The following ALK variants were observed in gnomAD, a reference collection of about 807,000 sequenced individuals.
ALK encodes the protein ALK tyrosine kinase receptor.
In ALK, 74 loss-of-function variants were observed where a neutral mutation model predicts 163.1. The ratio of observed to expected loss-of-function variants is 0.45; its 90% CI spans 0.38 to 0.55. The LOEUF is 0.55. ALK is among the 20% of genes least tolerant of loss of function. The pLI is 0.00. For synonymous variants in ALK, 960 were observed against 843.2 expected (o/e 1.14, Z -2.40); for missense variants, 2,063 against 2,105.3 (o/e 0.98, Z 0.39).
chr2:29,240,377 G>T (rs1313408399), intron 12 of ALK, among the ~76,000 whole-genome samples: 1 of 152,144 alleles, frequency 6.6e-6, no homozygotes, highest in Non-Finnish European at 1.5e-5. Context: ...GAGGATTAAA[G>T]AAATTAAGAC....
At chr2:29,436,563 T>C (rs1353696175) in intron 4 of ALK, among the ~76,000 whole-genome samples, 1 of 152,144 alleles carries the variant, frequency 6.6e-6, no homozygotes, top group African/African-American at 2.4e-5. Flanking sequence ...GTATCAAGAG[T>C]TCATCTTCTA....
intron 3 of ALK, among the ~76,000 whole-genome samples, chr2:29,543,561 C>A (rs768275734): frequency 5.3e-5 from 8 of 152,224 alleles, no homozygotes; most frequent in Non-Finnish European, 1.2e-4. Context: ...GTTAAGCATC[C>A]TGCTACCCTC....
At chr2:29,387,799 T>G (rs1017027184) in intron 4 of ALK, among the ~76,000 whole-genome samples, 3 of 152,126 alleles carry the variant, frequency 2.0e-5, no homozygotes, top group Admixed American at 1.3e-4. Context: ...TTCACCCTCC[T>G]TGGAGAAGTG....
chr2:29,432,164 A>G (rs1670287251), intron 4 of ALK, among the ~76,000 whole-genome samples: 1 of 152,070 alleles, frequency 6.6e-6, no homozygotes, highest in Non-Finnish European at 1.5e-5. Flanking sequence ...TGTCCCCTCC[A>G]AATGCCATGT....
At chr2:29,858,187 G>A (rs1666192443) in intron 1 of ALK, among the ~76,000 whole-genome samples, 1 of 152,050 alleles carries the variant, frequency 6.6e-6, no homozygotes, top group South Asian at 2.1e-4. Context: ...CCCTCCTGTT[G>A]CCCCTGTATA....
At chr2:29,327,152 C>A (rs1667289331) in intron 6 of ALK, among the ~76,000 whole-genome samples, 1 of 152,212 alleles carries the variant, frequency 6.6e-6, no homozygotes, top group South Asian at 2.1e-4. Context: ...CTGCGGGGAG[C>A]ACCATGTTCA....
chr2:29,677,897 T>G (rs1677932972), intron 3 of ALK, among the ~76,000 whole-genome samples: 1 of 152,118 alleles, frequency 6.6e-6, no homozygotes, highest in African/African-American at 2.4e-5. Context: ...AATTCCCCAA[T>G]GAAGGCACCT....
rs1573132143 is a variant in ALK, at chr2:29,227,282, T to C, written c.2915-208A>G. 6.6e-6 allele frequency among the ~76,000 whole-genome samples: 1 copy of C among 152,180 alleles called. No homozygotes were observed. Among genetic ancestry groups the C allele is most frequent in the Non-Finnish European group, 1.5e-5 (1 of 68,036 alleles). On this transcript the variant is annotated intron_variant, in intron 17 of 28. Transcript: ENST00000389048. The surrounding 1 kb of genome is among the most constrained non-coding windows in gnomAD (Gnocchi z 4.4). ...CAGCGGGCATGGGTGTCTATGGATG[T>C]TTGCTTTTGAGTCAGTGGTGGAGAG... is the stretch of plus-strand genomic sequence containing the variant.
At chr2:29,794,230 T>A (rs1166495158) in intron 1 of ALK, among the ~76,000 whole-genome samples, 1 of 152,162 alleles carries the variant, frequency 6.6e-6, no homozygotes, top group African/African-American at 2.4e-5. Context: ...TAGCTTCCAA[T>A]TTTTCTCCTG....
chr2:29,652,480 A>G (rs73921140), intron 3 of ALK, among the ~76,000 whole-genome samples: 2,277 of 152,284 alleles, frequency 0.015, 29 homozygotes, highest in South Asian at 0.046. Context: ...ATTTCTTGGC[A>G]TTCAATTCCT....
intron 3 of ALK, among the ~76,000 whole-genome samples, chr2:29,685,572 C>T (rs1191752308): frequency 6.6e-6 from 1 of 152,188 alleles, no homozygotes; most frequent in Non-Finnish European, 1.5e-5. Flanking sequence ...GTCAGTTTGT[C>T]TTGAAGTCCC....
At chr2:29,746,216 C>T (rs774987169) in intron 1 of ALK, among the ~76,000 whole-genome samples, 31 of 152,112 alleles carry the variant, frequency 2.0e-4, no homozygotes, top group African/African-American at 6.0e-4. Flanking sequence ...CCTGCTCTAT[C>T]GGCTATTAGG....
intron 23 of ALK, 107 bp from the exon 24 acceptor site, chr2:29,214,188 C>T (rs1377390085): frequency 2.2e-6 from 2 of 905,248 alleles, no homozygotes; most frequent in Non-Finnish European, 3.6e-6. Context: ...CGTGAACATG[C>T]AGCTACACCA....
intron 1 of ALK, among the ~76,000 whole-genome samples, chr2:29,805,019 C>T (rs1258863610): frequency 3.3e-5 from 5 of 152,178 alleles, no homozygotes; most frequent in Non-Finnish European, 5.9e-5. Context: ...TTGGAAGCCT[C>T]TATTAAATGT....
At chr2:29,374,685 C>T (rs538895452) in intron 5 of ALK, among the ~76,000 whole-genome samples, 159 of 152,174 alleles carry the variant, frequency 1.0e-3, no homozygotes, top group Non-Finnish European at 1.8e-3. Flanking sequence ...CAGATGGAAC[C>T]AAAGCTTGAG....
chr2:29,735,819 A>G (rs1333298900), intron 1 of ALK, among the ~76,000 whole-genome samples: 1 of 152,006 alleles, frequency 6.6e-6, no homozygotes, highest in Non-Finnish European at 1.5e-5. Context: ...TTCTGCCACA[A>G]TTGTAAATTT....
Position 29,448,444 on chromosome 2 carries a change from T to A in ALK, c.1155-64585A>T, listed in dbSNP as rs12992550. Among the ~76,000 whole-genome samples, 239 of 152,154 alleles carry A rather than the reference T, an allele frequency of 1.6e-3. 1 individual carries two copies. Among genetic ancestry groups the A allele is most frequent in the African/African-American group, 5.2e-3 (217 of 41,496 alleles). ...CTCATGGGCGTGTTAAACCAGAGGG[T>A]GTGTGCTCTCTCTCTACACTCTGGG... On this transcript the variant is annotated intron_variant, in intron 4 of 28. Coordinates refer to ENST00000389048, the MANE Select transcript of ALK (RefSeq NM_004304.5).
At chr2:29,483,288 C>A (rs1039364441) in intron 4 of ALK, among the ~76,000 whole-genome samples, 1 of 152,236 alleles carries the variant, frequency 6.6e-6, no homozygotes, top group Non-Finnish European at 1.5e-5. Flanking sequence ...ACACCAATGT[C>A]TAGGCACTGC....
intron 23 of ALK, among the ~76,000 whole-genome samples, chr2:29,218,992 G>C (rs1669712620): frequency 6.6e-6 from 1 of 152,226 alleles, no homozygotes; most frequent in Non-Finnish European, 1.5e-5. Flanking sequence ...CAGTAAGTTG[G>C]AGAGGGCACT....
Sources: gnomAD v4.1 joint callset for allele counts (sites outside exome capture counted in the v4.1 genomes callset) on GRCh38, gnomAD v4.1.1 for gene constraint, Gnocchi (gnomAD v3.1) non-coding constraint, MANE v1.5 for transcripts, NCBI Gene and HGNC (gene_info 2026-07-23, HGNC 2026-07-21) for gene names.